Variants in TUBB4A observed in about 807,000 individuals in gnomAD.
TUBB4A encodes the protein tubulin beta-4A chain.
Under a neutral mutation model 35.1 loss-of-function variants are expected in TUBB4A, and 13 were observed. The ratio of observed to expected loss-of-function variants is 0.37; its 90% CI spans 0.24 to 0.59. The LOEUF is 0.59. Ranked by LOEUF, TUBB4A falls within the 20% of genes least tolerant of loss-of-function variation. The pLI, the probability that TUBB4A is intolerant of heterozygous loss-of-function variation, is 0.71. For missense variants in TUBB4A, 299 were observed against 647.2 expected (o/e 0.46, Z 5.84); for synonymous variants, 279 against 272.4 (o/e 1.02, Z -0.24).
At chr19:6,497,541 C>T (rs1914305970) in intron 3 of TUBB4A, among the ~76,000 whole-genome samples, 1 of 151,946 alleles carries the variant, frequency 6.6e-6, no homozygotes, top group African/African-American at 2.4e-5. Flanking sequence ...GCTGGGATTA[C>T]AGGCGTGAGC....
chr19:6,495,651 G>C lies in TUBB4A; in HGVS notation c.848C>G (p.Ala283Gly). The part of the protein sequence containing the change: ...LTSRGSQQYR[A>G]LTVPELTQQM... ...CTGGGTGAGCTCGGGCACCGTCAGG[G>C]CCCGGTACTGCTGGCTGCCCCGGCT... The change falls in exon 4 of 4, where the codon GCC becomes GGC. Residue 283 changes from alanine to glycine, a missense_variant. Transcript: ENST00000264071. This position sits in a 1 kb window ranked among gnomAD's most constrained non-coding sequence, Gnocchi z 8.7. 1.2e-6 allele frequency: 2 copies of C among 1,614,070 alleles called. No homozygotes were observed. The highest frequency in any genetic ancestry group is 1.7e-6 in the Non-Finnish European group (2 of 1,179,948).
rs533264581 is a variant in TUBB4A, at chr19:6,498,601, C to G, written c.278-2380G>C. Among the ~76,000 whole-genome samples the G allele has an allele frequency of 3.9e-5, 6 of 152,334 alleles. No individual in the cohort carries two copies. In the East Asian group the frequency reaches 1.2e-3, roughly 29 times the overall value. On this transcript the variant is annotated intron_variant, in intron 3 of 3. Transcript: ENST00000264071. ...TCCAGCTTTCCAGGTGTGGTCCTGC[C>G]CTGGGGCCTTTGCACTAGTGGCTTG...
In TUBB4A at chr19:6,496,065, G is replaced by A; in HGVS notation, c.434C>T (p.Ser145Phe). The change falls in exon 4 of 4, where the codon TCC (serine) becomes TTC (phenylalanine). Residue 145 changes from serine to phenylalanine, a missense_variant. This residue lies in a region of TUBB4A where 123 missense variants were observed against 226.0 expected (regional missense o/e 0.54). Transcript: ENST00000264071. ...ACTGATGAGCAGCGTGCCCATTCCG[G>A]ACCCCGTGCCACCCCCCAGCGAGTG... ...LTHSLGGGTG[S>F]GMGTLLISKI... The A allele has an allele frequency of 6.2e-7, 1 of 1,614,184 alleles. No individual in the cohort carries two copies. The highest frequency in any genetic ancestry group is 8.5e-7 in the Non-Finnish European group (1 of 1,180,028).
Position 6,501,260 on chromosome 19 carries a change from C to A in TUBB4A, c.277+27G>T, listed in dbSNP as rs909326030. On this transcript the variant is annotated intron_variant, in intron 3 of 3. Transcript: ENST00000264071. The surrounding 1 kb of genome is among the most constrained non-coding windows in gnomAD (Gnocchi z 4.2). ...TAGCAGGAATAAGGAGGTTTTCCAG[C>A]CTCTGGCTCCCTGCTGGGGGACTCA... 1.3e-6 allele frequency: 2 copies of A among 1,597,526 alleles called. No individual in the cohort carries two copies. The highest frequency in any genetic ancestry group is 1.7e-5 in the Admixed American group (1 of 58,686).
At position 6,501,756 on chromosome 19, in the gene TUBB4A, T is replaced by C. The variant is rs1914543765; in HGVS notation, c.58-133A>G. ...AAGGTGAACGGGGGACCTAGAGGCA[T>C]GGTGTCGGGGCGAGGATGAGGCAGC... On this transcript the variant is annotated intron_variant, in intron 1 of 3. Transcript: ENST00000264071. The surrounding 1 kb of genome is among the most constrained non-coding windows in gnomAD (Gnocchi z 4.2). 1 of 718,790 alleles carries C rather than the reference T, an allele frequency of 1.4e-6. No individual in the cohort carries two copies. The highest frequency in any genetic ancestry group is 1.8e-5 in the African/African-American group (1 of 56,688). The allele number at this position is 718,790 out of a possible 1,614,324, so 44.5% of individuals were successfully genotyped here.
chr19:6,497,046 T>A (rs1203859667), intron 3 of TUBB4A, among the ~76,000 whole-genome samples: 22 of 59,990 alleles, frequency 3.7e-4, no homozygotes, highest in Non-Finnish European at 4.6e-4. Flanking sequence ...TATATATATA[T>A]ATATATATAT....
rs1270650731 is a variant in TUBB4A at position 6,496,085 on chromosome 19, C to T, written c.414G>A (p.Ser138=). Residue 138 remains serine, a synonymous_variant, in exon 4 of 4, where the codon TCG becomes TCA. Transcript: ENST00000264071. The part of the protein sequence containing the change: ...DCLQGFQLTH[S]LGGGTGSGMG... ...TTCCGGACCCCGTGCCACCCCCCAGCGAGTGGGTCAGCTGGAAGCCCTGAA... is the reference window on the plus strand; with the variant it reads ...TTCCGGACCCCGTGCCACCCCCCAGTGAGTGGGTCAGCTGGAAGCCCTGAA... The T allele has an allele frequency of 1.2e-5, 20 of 1,614,076 alleles. No homozygotes were observed. Among genetic ancestry groups the T allele is most frequent in the Non-Finnish European group, 1.5e-5 (18 of 1,180,042 alleles).
Position 6,501,719 on chromosome 19 carries a change from C to A in TUBB4A, c.58-96G>T. 1.0e-6 allele frequency: 1 copy of A among 985,390 alleles called. No homozygotes were observed. Among genetic ancestry groups the A allele is most frequent in the Non-Finnish European group, 1.6e-6 (1 of 643,194 alleles). 61.0% of individuals were successfully genotyped at this position (985,390 alleles called of 1,614,324 possible). ...CCCCAACTAGCTCCCTAGCTGCCAC[C>A]TCTCCCCCAGCAAGGTGAACGGGGG... On this transcript the variant is annotated intron_variant, in intron 1 of 3. Transcript: ENST00000264071. This position sits in a 1 kb window ranked among gnomAD's most constrained non-coding sequence, Gnocchi z 4.2.
rs1297277278 is a variant in TUBB4A, at chr19:6,501,767, C to G, written c.58-144G>C. The G allele has an allele frequency of 4.5e-6, 3 of 672,682 alleles. No homozygotes were observed. In the African/African-American group the frequency reaches 5.4e-5, roughly 12 times the overall value. 41.7% of individuals were successfully genotyped at this position (672,682 alleles called of 1,614,324 possible). On this transcript the variant is annotated intron_variant, in intron 1 of 3. Transcript: ENST00000264071. The surrounding 1 kb of genome is among the most constrained non-coding windows in gnomAD (Gnocchi z 4.2). ...GGGACCTAGAGGCATGGTGTCGGGG[C>G]GAGGATGAGGCAGCAAGAAGGAGCG...
At position 6,502,084 on chromosome 19, in the gene TUBB4A, G is replaced by C. The variant is rs951659454; in HGVS notation, c.57+72C>G. On this transcript the variant is annotated intron_variant, in intron 1 of 3. Coordinates refer to ENST00000264071, the MANE Select transcript of TUBB4A (RefSeq NM_006087.4). ...TTTCCAAAGACTCCCAGGTTGCGGG[G>C]TGCTCCGGGGACCGACCCCGCGGTG... 3 of 1,462,560 alleles carry C rather than the reference G, an allele frequency of 2.1e-6. No homozygotes were observed. The African/African-American group carries it at 4.4e-5, about 21-fold the overall frequency. 90.6% of individuals were successfully genotyped at this position (1,462,560 alleles called of 1,614,324 possible).
intron 3 of TUBB4A, among the ~76,000 whole-genome samples, chr19:6,498,945 G>A (rs1914401642): frequency 6.6e-6 from 1 of 152,220 alleles, no homozygotes. Flanking sequence ...AATGGTGTGA[G>A]TGATTTCAGG....
chr19:6,495,035 A>G lies in TUBB4A; in HGVS notation c.*129T>C. ...TAGCCAGAGGTAAAGCGAGCTCCAA[A>G]GGTATTGTTAGGGTCAGCGGGGAGT... On this transcript the variant is annotated 3_prime_UTR_variant, in exon 4 of 4. Coordinates refer to ENST00000264071, the MANE Select transcript of TUBB4A (RefSeq NM_006087.4). This position sits in a 1 kb window ranked among gnomAD's most constrained non-coding sequence, Gnocchi z 8.7. 9.0e-7 allele frequency: 1 copy of G among 1,107,066 alleles called. No homozygotes were observed. The highest frequency in any genetic ancestry group is 1.3e-6 in the Non-Finnish European group (1 of 777,748). 68.6% of individuals were successfully genotyped at this position (1,107,066 alleles called of 1,614,324 possible).
chr19:6,499,014 G>T (rs1914405047), intron 3 of TUBB4A, among the ~76,000 whole-genome samples: 1 of 152,120 alleles, frequency 6.6e-6, no homozygotes, highest in Non-Finnish European at 1.5e-5. Context: ...TGGCCAGGGG[G>T]TGGGAGGAGC....
intron 3 of TUBB4A, among the ~76,000 whole-genome samples, chr19:6,499,203 C>T (rs1263586982): frequency 2.0e-5 from 3 of 152,006 alleles, no homozygotes; most frequent in African/African-American, 7.2e-5. Flanking sequence ...TGATGCATGC[C>T]TGTAGTCCCA....
At position 6,501,507 on chromosome 19, in the gene TUBB4A, C is replaced by T. The variant is rs367624272; in HGVS notation, c.166+8G>A. 26 of 1,612,714 alleles carry T rather than the reference C, an allele frequency of 1.6e-5. No homozygotes were observed. In the African/African-American group the frequency reaches 2.0e-4, roughly 12 times the overall value. ...CTTCCCACCTGGAAGGTGCCTCCTT[C>T]GCCCTACCTGTGGCCTCGTTGTAGT... On this transcript the variant is annotated splice_region_variant and intron_variant, in intron 2 of 3. Coordinates refer to ENST00000264071, the MANE Select transcript of TUBB4A (RefSeq NM_006087.4). The surrounding 1 kb of genome is among the most constrained non-coding windows in gnomAD (Gnocchi z 4.2).
intron 3 of TUBB4A, among the ~76,000 whole-genome samples, chr19:6,497,017 A>C (rs1914244107): frequency 1.9e-5 from 1 of 51,688 alleles, no homozygotes; most frequent in Non-Finnish European, 3.6e-5. Context: ...AAAAAAAAAA[A>C]AAAAAAAATA....
rs775871196 is a variant in TUBB4A at position 6,496,222 on chromosome 19, C to A, written c.278-1G>T. The A allele has an allele frequency of 1.2e-6, 2 of 1,605,060 alleles. No homozygotes were observed. ...CAGTTGTTGCCGGCTCCGGATTGGC[C>A]TAGAGAGGGAAGGGGAGGGGACACA... On this transcript the variant is annotated splice_acceptor_variant, in intron 3 of 3. Transcript: ENST00000264071. LOFTEE classifies it high-confidence loss of function.
rs755826343 is a variant in TUBB4A, at chr19:6,495,540, C to T, written c.959G>A (p.Arg320His). The change falls in exon 4 of 4, where the codon CGC becomes CAC. Residue 320 changes from arginine (R) to histidine (H), a missense_variant. Physicochemically the swap from Arg to His is conservative, Grantham distance 29. This residue lies in a region of TUBB4A where 125 missense variants were observed against 279.1 expected (regional missense o/e 0.45). Transcript: ENST00000264071. This position sits in a 1 kb window ranked among gnomAD's most constrained non-coding sequence, Gnocchi z 8.7. ...CTCGTCCACCTCCTTCATGGACATG[C>T]GGCCCCGGAACACGGCGGCCACGGT... ...YLTVAAVFRG[R>H]MSMKEVDEQM... 6 of 1,614,164 alleles carry T rather than the reference C, an allele frequency of 3.7e-6. No individual in the cohort carries two copies. Among genetic ancestry groups the T allele is most frequent in the South Asian group, 1.1e-5 (1 of 91,082 alleles).
At chr19:6,497,595 CTGCAAGCTCACTGTGGAA>C (rs1432560796) in intron 3 of TUBB4A, among the ~76,000 whole-genome samples, 2 of 151,880 alleles carry the variant, frequency 1.3e-5, no homozygotes, top group African/African-American at 4.8e-5. Context: ...TGTTTATTGT[CTGCAAGCTCACTGTGGAA>C]TGCAAGCTCC....
Sources: allele counts gnomAD v4.1 joint callset (sites outside exome capture counted in the v4.1 genomes callset), GRCh38; gene constraint gnomAD v4.1.1; regional missense constraint gnomAD v4.1.1; non-coding constraint Gnocchi (gnomAD v3.1); transcripts MANE v1.5; gene names NCBI Gene and HGNC (gene_info 2026-07-23, HGNC 2026-07-21).